The following CNOT7 variants were observed in gnomAD, a reference collection of about 807,000 sequenced individuals.
CNOT7 encodes BTG1-binding factor 1.
In CNOT7, 4 loss-of-function variants were observed where a neutral mutation model predicts 37.1. The ratio of observed to expected loss-of-function variants is 0.11; its 90% CI spans 0.05 to 0.25. CNOT7 has a LOEUF of 0.25. Ranked by LOEUF, CNOT7 falls within the 10% of genes least tolerant of loss-of-function variation. The pLI is 1.00. For synonymous variants in CNOT7, 128 were observed against 115.6 expected (o/e 1.11, Z -0.69); for missense variants, 170 against 336.2 (o/e 0.51, Z 3.87).
chr8:17,231,669 G>A (rs762253054), intron 6 of CNOT7: 21 of 985,194 alleles, frequency 2.1e-5, no homozygotes, highest in Non-Finnish European at 2.4e-5. Flanking sequence ...AACCTCACTT[G>A]TTTTTTGCAC....
rs2150959199 is a variant in CNOT7 at position 17,225,228 on chromosome 8, G to C, written c.*5492C>G. ...GAAGCTAAAGGAACTCCAATTTCTT[G>C]GTATGATACTAAATAAAGATTCTTA... is the stretch of plus-strand genomic sequence containing the variant. On this transcript the variant is annotated 3_prime_UTR_variant, in exon 7 of 7. Transcript: ENST00000361272. 1 of 151,692 alleles carries C rather than the reference G, an allele frequency of 6.6e-6. No individual in the cohort carries two copies. Among genetic ancestry groups the C allele is most frequent in the Middle Eastern group, 3.4e-3 (1 of 294 alleles). The allele number at this position is 151,692 out of a possible 1,614,324, so 9.4% of individuals were successfully genotyped here. A position where few individuals can be genotyped will look rare whatever the true frequency, so the allele number is the denominator to read the frequency against.
At chr8:17,232,180 C>A in intron 6 of CNOT7, 1 of 1,255,344 alleles carries the variant, frequency 8.0e-7, no homozygotes, top group Non-Finnish European at 1.0e-6. Flanking sequence ...ACCTACATGA[C>A]TTCTCAGGTA....
chr8:17,242,276 G>C (rs996086227), intron 3 of CNOT7: 2 of 152,124 alleles, frequency 1.3e-5, no homozygotes, highest in Non-Finnish European at 2.9e-5. Flanking sequence ...GCTGTAATAA[G>C]AATGTATTAT....
chr8:17,242,787 T>C lies in CNOT7; in HGVS notation c.311+205A>G, dbSNP rs894928747. On this transcript the variant is annotated intron_variant, in intron 3 of 6. Coordinates refer to ENST00000361272, the MANE Select transcript of CNOT7 (RefSeq NM_013354.7). ...TACAAAAAAAGCTGCAGTCATATTT[T>C]AAATATAACATCTTTAACATCAAAG... 11 of 397,120 alleles carry C rather than the reference T, an allele frequency of 2.8e-5. No individual in the cohort carries two copies. In the South Asian group the frequency reaches 6.7e-4, roughly 24 times the overall value. 24.6% of individuals were successfully genotyped at this position (397,120 alleles called of 1,614,324 possible).
Position 17,245,170 on chromosome 8 carries a change from G to A in CNOT7, c.-18C>T, listed in dbSNP as rs768282971. 13 of 1,587,954 alleles carry A rather than the reference G, an allele frequency of 8.2e-6. 1 individual carries two copies. Among genetic ancestry groups the A allele is most frequent in the South Asian group, 8.1e-5 (7 of 86,752 alleles). On this transcript the variant is annotated 5_prime_UTR_variant, in exon 2 of 7. Coordinates refer to ENST00000361272, the MANE Select transcript of CNOT7 (RefSeq NM_013354.7). ...GCTGGCATAGTGAGGGCACAAGGGA[G>A]TCTAGATGCCAAGCATCAAAATGTT...
chr8:17,230,522 C>T lies in CNOT7; in HGVS notation c.*198G>A, dbSNP rs902650832. 2.7e-6 allele frequency: 1 copy of T among 365,904 alleles called. No homozygotes were observed. 22.7% of individuals were successfully genotyped at this position (365,904 alleles called of 1,614,324 possible). A position where few individuals can be genotyped will look rare whatever the true frequency, so the allele number is the denominator to read the frequency against. On this transcript the variant is annotated 3_prime_UTR_variant, in exon 7 of 7. Coordinates refer to ENST00000361272, the MANE Select transcript of CNOT7 (RefSeq NM_013354.7). ...ATATTAAATTAAGGCCAAATTTAAC[C>T]TGAATGCGTTTTTTTTTTTCTTTTT...
At chr8:17,245,366 A>T in intron 1 of CNOT7, 119 bp from the exon 2 acceptor site, 1 of 449,736 alleles carries the variant, frequency 2.2e-6, no homozygotes, top group Non-Finnish European at 3.7e-6. Context: ...TAAAAAAAAA[A>T]AATCAAAGTT....
intron 4 of CNOT7, 133 bp downstream of exon 4, chr8:17,237,079 T>C (rs1809467741): frequency 2.4e-6 from 2 of 818,836 alleles, no homozygotes; most frequent in Admixed American, 2.4e-5. Context: ...CTCCTAAGAG[T>C]TAGGAGACAA....
intron 3 of CNOT7, among the ~76,000 whole-genome samples, chr8:17,239,934 A>G (rs1011647812): frequency 6.6e-6 from 1 of 152,218 alleles, no homozygotes; most frequent in Admixed American, 6.5e-5. Context: ...CAGTTTGGAG[A>G]GAATTCCCAT....
Position 17,237,387 on chromosome 8 carries a change from G to C in CNOT7, c.312-14C>G, listed in dbSNP as rs1180407182. 2.5e-6 allele frequency: 4 copies of C among 1,612,522 alleles called. No homozygotes were observed. The highest frequency in any genetic ancestry group is 3.4e-6 in the Non-Finnish European group (4 of 1,179,090). ...TACATGTCCTCCCTGGCAGAAGAAA[G>C]AGAAAGACAACATTCAAACATGCCA... On this transcript the variant is annotated splice_polypyrimidine_tract_variant and intron_variant, in intron 3 of 6. Coordinates refer to ENST00000361272, the MANE Select transcript of CNOT7 (RefSeq NM_013354.7).
rs140845402 is a variant in CNOT7 at position 17,225,358 on chromosome 8, A to G, written c.*5362T>C. On this transcript the variant is annotated 3_prime_UTR_variant, in exon 7 of 7. Coordinates refer to ENST00000361272, the MANE Select transcript of CNOT7 (RefSeq NM_013354.7). ...GATTATATTCATGAATGCTTCTCAT[A>G]TACAAAAAATTCCTCCATACCAGGA... 4.0e-4 allele frequency: 60 copies of G among 151,852 alleles called. 1 individual carries two copies. The highest frequency in any genetic ancestry group is 1.4e-3 in the African/African-American group (59 of 41,532). The allele number at this position is 151,852 out of a possible 1,614,324, so 9.4% of individuals were successfully genotyped here.
At chr8:17,237,510 A>G (rs539046427) in intron 3 of CNOT7, 137 bp from the exon 4 acceptor site, 3 of 668,088 alleles carry the variant, frequency 4.5e-6, no homozygotes, top group Non-Finnish European at 7.5e-6. Context: ...AATGCTTTAT[A>G]TATATGCAAG....
At chr8:17,245,778 T>G (rs1329244283) in intron 1 of CNOT7, 1 of 151,970 alleles carries the variant, frequency 6.6e-6, no homozygotes, top group Non-Finnish European at 1.5e-5. Context: ...GCCATGAAAA[T>G]TATCTGAATG....
In CNOT7 at chr8:17,228,343, A is replaced by ACTGT. The variant is rs1808294127; in HGVS notation, c.*2373_*2376dup. ...GAACCTAGACTTTACAAACATTGAG[A>ACTGT]CTGTCTGGAACAAAATAAAAAAGTA... On this transcript the variant is annotated 3_prime_UTR_variant, in exon 7 of 7. Transcript: ENST00000361272. 1 of 152,066 alleles carries ACTGT rather than the reference A, an allele frequency of 6.6e-6. No homozygotes were observed. The highest frequency in any genetic ancestry group is 1.5e-5 in the Non-Finnish European group (1 of 67,840). The allele number at this position is 152,066 out of a possible 1,614,324, so 9.4% of individuals were successfully genotyped here.
intron 6 of CNOT7, 74 bp from the exon 7 acceptor site, chr8:17,230,922 A>C: frequency 9.0e-7 from 1 of 1,106,720 alleles, no homozygotes; most frequent in East Asian, 2.6e-5. Flanking sequence ...ATATTTCAGC[A>C]ATGTAAGTAC....
chr8:17,239,523 T>C (rs1809852496), intron 3 of CNOT7, among the ~76,000 whole-genome samples: 1 of 152,154 alleles, frequency 6.6e-6, no homozygotes, highest in Admixed American at 6.5e-5. Context: ...TGAGACGGAG[T>C]CTCACTCTGT....
At position 17,228,416 on chromosome 8, in the gene CNOT7, CTA is replaced by C. The variant is rs1440869332; in HGVS notation, c.*2302_*2303del. On this transcript the variant is annotated 3_prime_UTR_variant, in exon 7 of 7. Coordinates refer to ENST00000361272, the MANE Select transcript of CNOT7 (RefSeq NM_013354.7). ...AAAATGTTCCTCTACAAAAGTTACACTATACGGTTGCTCAACCTACAATGAGG... is the reference window on the plus strand; with the variant it reads ...AAAATGTTCCTCTACAAAAGTTACACTACGGTTGCTCAACCTACAATGAGG... The C allele has an allele frequency of 6.6e-5, 10 of 151,940 alleles. No individual in the cohort carries two copies. Among genetic ancestry groups the C allele is most frequent in the African/African-American group, 2.2e-4 (9 of 41,420 alleles). The allele number at this position is 151,940 out of a possible 1,614,324, so 9.4% of individuals were successfully genotyped here. A position where few individuals can be genotyped will look rare whatever the true frequency, so the allele number is the denominator to read the frequency against.
At position 17,230,620 on chromosome 8, in the gene CNOT7, G is replaced by T. The variant is rs1165659208; in HGVS notation, c.*100C>A. ...CAATAAAATGGGCCATGAAAGGGGG[G>T]GGAAAGGTACTGTCTATTGTTCGAG... On this transcript the variant is annotated 3_prime_UTR_variant, in exon 7 of 7. Transcript: ENST00000361272. 3 of 986,676 alleles carry T rather than the reference G, an allele frequency of 3.0e-6. No homozygotes were observed. The highest frequency in any genetic ancestry group is 3.4e-5 in the African/African-American group (2 of 59,654). The allele number at this position is 986,676 out of a possible 1,614,324, so 61.1% of individuals were successfully genotyped here. A position where few individuals can be genotyped will look rare whatever the true frequency, so the allele number is the denominator to read the frequency against.
chr8:17,232,636 T>G lies in CNOT7; in HGVS notation c.619-99A>C, dbSNP rs55922323. On this transcript the variant is annotated intron_variant, in intron 5 of 6. Transcript: ENST00000361272. ...ACGCTGACCAAAATAAAAATAAACT[T>G]TAGTATGTAAAGGTGAATCTTATAA... 41,842 of 1,002,724 alleles carry G rather than the reference T, an allele frequency of 0.042. 1,104 individuals carry two copies. Among genetic ancestry groups the G allele is most frequent in the Non-Finnish European group, 0.05 (33,568 of 665,552 alleles). The allele number at this position is 1,002,724 out of a possible 1,614,324, so 62.1% of individuals were successfully genotyped here.
Sources: gnomAD v4.1 joint callset for allele counts (sites outside exome capture counted in the v4.1 genomes callset) on GRCh38, gnomAD v4.1.1 for gene constraint, MANE v1.5 for transcripts, NCBI Gene and HGNC (gene_info 2026-07-23, HGNC 2026-07-21) for gene names.